TRMT11: variants seen among roughly 807,000 people sequenced by gnomAD.
TRMT11 encodes tRNA (guanine(10)-N(2))-methyltransferase TRMT11.
In TRMT11, 53 loss-of-function variants were observed where a neutral mutation model predicts 62.8. The ratio of observed to expected loss-of-function variants is 0.84; its 90% CI spans 0.68 to 1.06. TRMT11 has a LOEUF of 1.06. TRMT11 is among the 50% of genes least tolerant of loss of function. The pLI is 0.00. For missense variants in TRMT11, 556 were observed against 553.4 expected, an observed-to-expected ratio of 1.00 and a Z score of -0.05; for synonymous variants, 188 against 190.3, an observed-to-expected ratio of 0.99 and a Z score of 0.10.
chr6:126,232,435 A>C, the TRMT11 span, among the ~76,000 whole-genome samples: 1 of 152,062 alleles, frequency 6.6e-6, no homozygotes, highest in Non-Finnish European at 1.5e-5. Context: ...TGGTATCTTT[A>C]AAAGAAAATA....
the TRMT11 span, among the ~76,000 whole-genome samples, chr6:126,209,691 G>A: frequency 5.9e-5 from 9 of 151,998 alleles, no homozygotes; most frequent in Admixed American, 3.9e-4. Context: ...GCATGCCACC[G>A]CACTCCAGCC....
At chr6:126,271,456 T>TTCTA in the TRMT11 span, among the ~76,000 whole-genome samples, 84 of 151,064 alleles carry the variant, frequency 5.6e-4, no homozygotes, top group Non-Finnish European at 9.1e-4. Flanking sequence ...AATTTTCACA[T>TTCTA]TCTATCTTAT....
chr6:126,205,364 C>T (rs1379367510), downstream of TRMT11, among the ~76,000 whole-genome samples: 11 of 152,024 alleles, frequency 7.2e-5, no homozygotes, highest in Admixed American at 2.0e-4. Flanking sequence ...ATTTGCTGGG[C>T]GTGGTGGCGA....
intron 17 of TRMT11, among the ~76,000 whole-genome samples, chr6:126,072,193 G>A (rs1319083134): frequency 6.6e-6 from 1 of 152,124 alleles, no homozygotes; most frequent in Non-Finnish European, 1.5e-5. Context: ...AGTTTGAGTA[G>A]GATTTGCTTT....
intron 1 of TRMT11, among the ~76,000 whole-genome samples, chr6:126,186,764 A>G (rs919567743): frequency 6.6e-6 from 1 of 152,084 alleles, no homozygotes; most frequent in Non-Finnish European, 1.5e-5. Context: ...CACAGCTTCA[A>G]ATTCTGCATT....
At chr6:126,204,017 C>G (rs554058290), downstream of TRMT11, among the ~76,000 whole-genome samples, 23 of 151,274 alleles carry the variant, frequency 1.5e-4, no homozygotes, top group Non-Finnish European at 2.9e-4. Flanking sequence ...TAAGAACAAC[C>G]AACTAACCAG....
intron 9 of TRMT11, 125 bp from the exon 10 acceptor site, chr6:126,012,646 G>T: frequency 1.6e-6 from 1 of 627,404 alleles, no homozygotes; most frequent in Admixed American, 2.9e-5. Flanking sequence ...TTTTCAGTTG[G>T]ATTTGTGCAT....
At chr6:126,173,848 A>G (rs1210021238), upstream of TRMT11, among the ~76,000 whole-genome samples, 2 of 152,158 alleles carry the variant, frequency 1.3e-5, no homozygotes, top group Non-Finnish European at 2.9e-5. Flanking sequence ...GTGCTGCAGA[A>G]GTGATTAGTG....
At chr6:126,184,205 G>A (rs997696601) in intron 1 of TRMT11, among the ~76,000 whole-genome samples, 2 of 152,122 alleles carry the variant, frequency 1.3e-5, no homozygotes, top group Non-Finnish European at 2.9e-5. Flanking sequence ...AAGAATCCAG[G>A]ATTTTTGATT....
At chr6:126,252,249 A>G in the TRMT11 span, among the ~76,000 whole-genome samples, 1 of 152,198 alleles carries the variant, frequency 6.6e-6, no homozygotes, top group Non-Finnish European at 1.5e-5. Context: ...CCCCCTGAAG[A>G]TGATGCTTGC....
chr6:126,151,931 C>CTTTCTTTCTTTCTTTCTTTCT (rs1562334964), intron 21 of TRMT11, among the ~76,000 whole-genome samples: 7 of 93,416 alleles, frequency 7.5e-5, no homozygotes, highest in African/African-American at 1.1e-4. Context: ...TTCTTTCTTT[C>CTTTCTTTCTTTCTTTCTTTCT]TTTCTTTCTT....
the TRMT11 span, among the ~76,000 whole-genome samples, chr6:126,213,647 CAG>C: frequency 1.3e-5 from 2 of 151,896 alleles, no homozygotes; most frequent in African/African-American, 2.4e-5. Context: ...AGTTTTGTTA[CAG>C]AGTCTTTAGT....
intron 7 of TRMT11, among the ~76,000 whole-genome samples, chr6:126,001,824 A>G (rs556359999): frequency 6.6e-6 from 1 of 152,068 alleles, no homozygotes; most frequent in Non-Finnish European, 1.5e-5. Flanking sequence ...GTCGACATTC[A>G]TTATTCTACT....
intron 1 of TRMT11, among the ~76,000 whole-genome samples, chr6:126,192,423 G>A (rs1180909580): frequency 1.3e-5 from 2 of 152,046 alleles, no homozygotes; most frequent in Admixed American, 1.3e-4. Flanking sequence ...CCATTTGAAT[G>A]CCTTCTTTTC....
intron 21 of TRMT11, among the ~76,000 whole-genome samples, chr6:126,166,335 T>C (rs1356925562): frequency 6.6e-6 from 1 of 152,194 alleles, no homozygotes; most frequent in Non-Finnish European, 1.5e-5. Flanking sequence ...GGGCATCCTT[T>C]TTGCTGATGT....
chr6:125,996,760 T>C (rs1791584110), intron 3 of TRMT11, among the ~76,000 whole-genome samples: 2 of 152,228 alleles, frequency 1.3e-5, no homozygotes, highest in African/African-American at 2.4e-5. Flanking sequence ...GTAGAAATTA[T>C]ATTTGCTAAT....
At chr6:126,038,489 T>C (rs1277130030) in intron 12 of TRMT11, among the ~76,000 whole-genome samples, 1 of 151,026 alleles carries the variant, frequency 6.6e-6, no homozygotes, top group African/African-American at 2.4e-5. Flanking sequence ...CAGAGGTCTT[T>C]TGTGAGGCTT....
chr6:126,213,176 T>C, the TRMT11 span, among the ~76,000 whole-genome samples: 4 of 152,168 alleles, frequency 2.6e-5, no homozygotes. Flanking sequence ...AATATGGCTC[T>C]GTAGTATAAT....
At chr6:126,125,619 C>T (rs1219378041) in intron 21 of TRMT11, among the ~76,000 whole-genome samples, 1 of 152,098 alleles carries the variant, frequency 6.6e-6, no homozygotes, top group Non-Finnish European at 1.5e-5. Flanking sequence ...GACATGGTCC[C>T]TGTCCTTAAG....
Sources: gnomAD v4.1 joint callset for allele counts (sites outside exome capture counted in the v4.1 genomes callset) on GRCh38, gnomAD v4.1.1 for gene constraint, MANE v1.5 for transcripts, NCBI Gene and HGNC (gene_info 2026-07-23, HGNC 2026-07-21) for gene names.